Variants in ESR1 observed in about 807,000 individuals in gnomAD.
ESR1 encodes the protein estrogen receptor 1.
In ESR1, 12 loss-of-function variants were observed where a neutral mutation model predicts 52.7. The ratio of observed to expected loss-of-function variants is 0.23; its 90% CI spans 0.15 to 0.37. The LOEUF is 0.37. ESR1 is among the 10% of genes least tolerant of loss of function. ESR1 has a pLI of 1.00. For synonymous variants in ESR1, 305 were observed against 316.8 expected (o/e 0.96, Z 0.39); for missense variants, 584 against 779.7 (o/e 0.75, Z 2.99).
chr6:151,828,401 T>C (rs1311564201), intron 1 of ESR1, among the ~76,000 whole-genome samples: 2 of 152,058 alleles, frequency 1.3e-5, no homozygotes, highest in East Asian at 3.9e-4. Flanking sequence ...AGAAGAGAGG[T>C]AGCAGAGTGA....
chr6:152,011,582 C>A (rs2042770776), intron 4 of ESR1, 74 bp from the exon 5 acceptor site: 2 of 1,558,710 alleles, frequency 1.3e-6, no homozygotes, highest in South Asian at 2.2e-5. Flanking sequence ...CAGTTCAAAT[C>A]CCTGTTGCAT....
chr6:152,010,754 A>G (rs2128773314), intron 4 of ESR1, among the ~76,000 whole-genome samples: 1 of 152,186 alleles, frequency 6.6e-6, no homozygotes, highest in Admixed American at 6.6e-5. Flanking sequence ...CATCTGTACA[A>G]TGGGAATATC....
intron 4 of ESR1, among the ~76,000 whole-genome samples, chr6:151,948,795 G>A (rs898992848): frequency 1.3e-5 from 2 of 152,030 alleles, no homozygotes; most frequent in Admixed American, 6.6e-5. Flanking sequence ...GTGTTGTCTC[G>A]AGGATGCATG....
chr6:151,662,182 T>C (rs1240537644), intron 1 of ESR1, among the ~76,000 whole-genome samples: 2 of 152,082 alleles, frequency 1.3e-5, no homozygotes, highest in African/African-American at 4.8e-5. Context: ...CTGGTGAAAA[T>C]ATTTAGATAT....
At chr6:151,802,791 C>G (rs944359846), upstream of ESR1, among the ~76,000 whole-genome samples, 1 of 152,084 alleles carries the variant, frequency 6.6e-6, no homozygotes, top group African/African-American at 2.4e-5. Flanking sequence ...GAGTTCAGGA[C>G]CAGCCTGGCC....
chr6:151,659,815 C>T (rs994847434), intron 1 of ESR1, among the ~76,000 whole-genome samples: 5 of 151,994 alleles, frequency 3.3e-5, no homozygotes, highest in African/African-American at 7.3e-5. Flanking sequence ...AATGTTTATC[C>T]CTAAAATTCA....
At chr6:151,895,123 G>A (rs939733613) in intron 3 of ESR1, among the ~76,000 whole-genome samples, 4 of 88,586 alleles carry the variant, frequency 4.5e-5, no homozygotes, top group Non-Finnish European at 6.4e-5. Context: ...GTTAGTTTTT[G>A]TTTTTTTTGG....
intron 1 of ESR1, among the ~76,000 whole-genome samples, chr6:151,674,229 T>G (rs1778176390): frequency 6.6e-6 from 1 of 152,170 alleles, no homozygotes; most frequent in Non-Finnish European, 1.5e-5. Context: ...CCCCTCCCTG[T>G]GTCCATGTGT....
intron 2 of ESR1, among the ~76,000 whole-genome samples, chr6:151,741,160 C>T (rs753781596): frequency 2.6e-5 from 4 of 152,152 alleles, no homozygotes; most frequent in South Asian, 2.1e-4. Context: ...TGATGATAAT[C>T]TTTCTGGTAT....
At chr6:151,730,636 A>G (rs982982199) in intron 2 of ESR1, among the ~76,000 whole-genome samples, 2 of 152,120 alleles carry the variant, frequency 1.3e-5, no homozygotes, top group Non-Finnish European at 2.9e-5. Context: ...CTTCACAATT[A>G]ATTGTTTCCA....
At chr6:151,762,745 C>T (rs1040643679) in intron 2 of ESR1, among the ~76,000 whole-genome samples, 5 of 152,288 alleles carry the variant, frequency 3.3e-5, no homozygotes, top group Middle Eastern at 3.4e-3. Context: ...GGGTGGATCA[C>T]TTGAGGTCAG....
intron 1 of ESR1, among the ~76,000 whole-genome samples, chr6:151,821,707 A>G (rs1430423778): frequency 6.6e-6 from 1 of 152,202 alleles, no homozygotes; most frequent in African/African-American, 2.4e-5. Flanking sequence ...GACAGAATTA[A>G]AAAAATAATT....
intron 6 of ESR1, among the ~76,000 whole-genome samples, chr6:152,072,097 T>G (rs987705893): frequency 6.6e-6 from 1 of 152,230 alleles, no homozygotes; most frequent in Non-Finnish European, 1.5e-5. Flanking sequence ...GCTCAGCCAC[T>G]GCCCTCTCCT....
At chr6:152,069,415 T>C (rs2048209808) in intron 6 of ESR1, among the ~76,000 whole-genome samples, 1 of 136,642 alleles carries the variant, frequency 7.3e-6, no homozygotes, top group South Asian at 2.3e-4. Flanking sequence ...GAGGGGTTTT[T>C]TTTAGCATCA....
At chr6:151,908,407 T>C (rs1797769484) in intron 3 of ESR1, among the ~76,000 whole-genome samples, 1 of 152,226 alleles carries the variant, frequency 6.6e-6, no homozygotes, top group African/African-American at 2.4e-5. Flanking sequence ...TTCACAAATA[T>C]CATTGAATGA....
chr6:151,842,848 A>G (rs2128235171), intron 2 of ESR1, 61 bp downstream of exon 2: 2 of 1,441,004 alleles, frequency 1.4e-6, no homozygotes, highest in Non-Finnish European at 2.0e-6. Flanking sequence ...TAAGAGCCAA[A>G]GCGACTGAGG....
intron 4 of ESR1, among the ~76,000 whole-genome samples, chr6:152,005,890 C>T (rs570705310): frequency 6.6e-6 from 1 of 152,162 alleles, no homozygotes; most frequent in East Asian, 1.9e-4. Context: ...AGCTAGTCCT[C>T]AGGCCTGTGG....
intron 2 of ESR1, among the ~76,000 whole-genome samples, chr6:151,793,485 G>A (rs1776397423): frequency 6.6e-6 from 1 of 152,084 alleles, no homozygotes; most frequent in African/African-American, 2.4e-5. Flanking sequence ...ATATAAATTA[G>A]TCATATAGTC....
chr6:151,726,285 T>C (rs547521403), intron 2 of ESR1, among the ~76,000 whole-genome samples: 1 of 152,342 alleles, frequency 6.6e-6, no homozygotes, highest in African/African-American at 2.4e-5. Context: ...ACATCTTTCG[T>C]TACATTTGTT....
Sources: allele counts gnomAD v4.1 joint callset (sites outside exome capture counted in the v4.1 genomes callset), GRCh38; gene constraint gnomAD v4.1.1; transcripts MANE v1.5; gene names NCBI Gene and HGNC (gene_info 2026-07-23, HGNC 2026-07-21).